The following DGKB variants were observed in gnomAD, a reference collection of about 807,000 sequenced individuals.
DGKB encodes 90 kDa diacylglycerol kinase.
A neutral mutation model predicts 114.3 loss-of-function variants in DGKB; 67 were observed. That is an observed-to-expected ratio of 0.59 (90% confidence interval 0.48 to 0.72). DGKB has a LOEUF of 0.72. Among genes scored for constraint, DGKB ranks in the 30% least tolerant of loss-of-function variants. DGKB has a pLI of 0.00. For missense variants in DGKB, 907 were observed against 975.2 expected (o/e 0.93, Z 0.93); for synonymous variants, 398 against 323.1 (o/e 1.23, Z -2.49).
chr7:14,590,500 C>T (rs755221121), intron 17 of DGKB, among the ~76,000 whole-genome samples: 56 of 152,176 alleles, frequency 3.7e-4, no homozygotes, highest in Non-Finnish European at 6.9e-4. Flanking sequence ...ATCATTGGTT[C>T]TTCAGCAGCA....
At chr7:14,184,649 C>T (rs933718862) in intron 23 of DGKB, among the ~76,000 whole-genome samples, 1 of 151,960 alleles carries the variant, frequency 6.6e-6, no homozygotes, top group African/African-American at 2.4e-5. Flanking sequence ...AGTCTGAGCT[C>T]AGAAATGCCT....
At chr7:14,762,347 T>C (rs1361332722) in intron 2 of DGKB, among the ~76,000 whole-genome samples, 14 of 152,100 alleles carry the variant, frequency 9.2e-5, no homozygotes, top group Non-Finnish European at 1.9e-4. Flanking sequence ...ACACACCCTG[T>C]CAATCTTCTC....
chr7:14,412,304 T>C (rs780678317), intron 21 of DGKB, among the ~76,000 whole-genome samples: 1 of 152,192 alleles, frequency 6.6e-6, no homozygotes, highest in Non-Finnish European at 1.5e-5. Context: ...GTTGTTAGAA[T>C]AATCTCTAAA....
At chr7:14,531,189 G>A (rs923489565) in intron 20 of DGKB, among the ~76,000 whole-genome samples, 2 of 151,184 alleles carry the variant, frequency 1.3e-5, no homozygotes, top group Non-Finnish European at 3.0e-5. Context: ...TTCATTGGAC[G>A]CTATAACTAA....
chr7:14,433,984 T>G (rs1828870810), intron 21 of DGKB, among the ~76,000 whole-genome samples: 1 of 152,190 alleles, frequency 6.6e-6, no homozygotes, highest in East Asian at 1.9e-4. Context: ...TGAGGTTAGG[T>G]GTGAAAATTT....
intron 23 of DGKB, among the ~76,000 whole-genome samples, chr7:14,189,444 C>A (rs1783987324): frequency 6.6e-6 from 1 of 151,896 alleles, no homozygotes; most frequent in South Asian, 2.1e-4. Context: ...TAAAGCTTAG[C>A]ACCACAGAAA....
intron 23 of DGKB, among the ~76,000 whole-genome samples, chr7:14,296,309 C>A (rs1034625556): frequency 6.6e-6 from 1 of 151,908 alleles, no homozygotes; most frequent in Non-Finnish European, 1.5e-5. Context: ...GTATTACAGG[C>A]GTGAGCCACC....
At position 14,153,755 on chromosome 7, in the gene DGKB, GA is replaced by G. The variant is rs533532048; in HGVS notation, c.2305-4518del. On this transcript the variant is annotated intron_variant, in intron 25 of 25. Transcript: ENST00000402815. Reference sequence around the variant, plus strand: ...AGAAGATTCTAAATGTCCTCAGAGAGAAAAAAAAATAGGTCACTTACAGAAA... The same window carrying G: ...AGAAGATTCTAAATGTCCTCAGAGAGAAAAAAAATAGGTCACTTACAGAAA... Among the ~76,000 whole-genome samples, 15 of 150,012 alleles carry G rather than the reference GA, an allele frequency of 1.0e-4. No homozygotes were observed. In the South Asian group the frequency reaches 1.1e-3, roughly 11 times the overall value.
chr7:14,857,987 C>T (rs993150123), intron 1 of DGKB, among the ~76,000 whole-genome samples: 1 of 151,994 alleles, frequency 6.6e-6, no homozygotes, highest in Non-Finnish European at 1.5e-5. Context: ...GACTGGTGAA[C>T]CTTTATAATT....
chr7:14,827,801 C>G (rs1372651520), intron 2 of DGKB, among the ~76,000 whole-genome samples: 1 of 152,058 alleles, frequency 6.6e-6, no homozygotes, highest in Non-Finnish European at 1.5e-5. Context: ...GCATAAGTAG[C>G]ATAGCTTCTG....
At chr7:14,491,554 C>T (rs894247924) in intron 20 of DGKB, among the ~76,000 whole-genome samples, 1 of 152,058 alleles carries the variant, frequency 6.6e-6, no homozygotes, top group Admixed American at 6.6e-5. Flanking sequence ...TTCTGCTTTT[C>T]TCTAAGGTAT....
At chr7:14,422,842 T>G (rs196757) in intron 21 of DGKB, among the ~76,000 whole-genome samples, 69,818 of 151,738 alleles carry the variant, frequency 0.46, 16,593 homozygotes, top group Middle Eastern at 0.6. Context: ...CAAAGAATAC[T>G]AACAGCAAAC....
chr7:14,701,461 T>G (rs758171594), intron 7 of DGKB, among the ~76,000 whole-genome samples: 43 of 152,156 alleles, frequency 2.8e-4, no homozygotes, highest in Non-Finnish European at 2.6e-4. Flanking sequence ...ATTAAAAAAG[T>G]CATGCTGTGG....
At chr7:14,313,269 G>T (rs190769577) in intron 23 of DGKB, among the ~76,000 whole-genome samples, 1 of 152,202 alleles carries the variant, frequency 6.6e-6, no homozygotes, top group Non-Finnish European at 1.5e-5. Flanking sequence ...GCGGGGAGGA[G>T]CCAAGATGGC....
chr7:14,489,064 C>T (rs1429645662), intron 20 of DGKB, among the ~76,000 whole-genome samples: 1 of 151,988 alleles, frequency 6.6e-6, no homozygotes, highest in Non-Finnish European at 1.5e-5. Flanking sequence ...TGTCACCTGA[C>T]AAGAAAATAC....
At chr7:14,250,374 A>G (rs1317757852) in intron 23 of DGKB, among the ~76,000 whole-genome samples, 1 of 151,980 alleles carries the variant, frequency 6.6e-6, no homozygotes, top group Non-Finnish European at 1.5e-5. Flanking sequence ...GTCTCAATAT[A>G]TTCTTTAATT....
intron 6 of DGKB, among the ~76,000 whole-genome samples, chr7:14,704,147 G>C (rs1471581235): frequency 6.6e-6 from 1 of 151,818 alleles, no homozygotes; most frequent in Non-Finnish European, 1.5e-5. Context: ...TTTAGAAAAT[G>C]TTTGCCGGCC....
chr7:14,241,693 T>C (rs1455663378), intron 23 of DGKB, among the ~76,000 whole-genome samples: 2 of 151,740 alleles, frequency 1.3e-5, no homozygotes, highest in Non-Finnish European at 2.9e-5. Context: ...CCCCAGGGAG[T>C]TTATAAATAC....
At chr7:14,205,678 C>T (rs761162132) in intron 23 of DGKB, among the ~76,000 whole-genome samples, 1 of 151,960 alleles carries the variant, frequency 6.6e-6, no homozygotes, top group African/African-American at 2.4e-5. Context: ...CATGCTCTTT[C>T]CAATCACCCA....
Sources: allele counts gnomAD v4.1 joint callset (sites outside exome capture counted in the v4.1 genomes callset), GRCh38; gene constraint gnomAD v4.1.1; transcripts MANE v1.5; gene names NCBI Gene and HGNC (gene_info 2026-07-23, HGNC 2026-07-21).